CPQ: variants seen among roughly 807,000 people sequenced by gnomAD.
CPQ encodes the protein carboxypeptidase Q, also known as Ser-Met dipeptidase.
CPQ carries 37 observed loss-of-function variants against 45.7 expected under a neutral mutation model. That is an observed-to-expected ratio of 0.81 (90% CI 0.62 to 1.07). The LOEUF is 1.07. Ranked by LOEUF, CPQ falls within the 50% of genes least tolerant of loss-of-function variation. The pLI, the probability that CPQ is intolerant of heterozygous loss-of-function variation, is 0.00. For missense variants in CPQ, 537 were observed against 572.9 expected (o/e 0.94, Z 0.64); for synonymous variants, 186 against 205.8 (o/e 0.90, Z 0.82).
intron 2 of CPQ, among the ~76,000 whole-genome samples, 169 bp downstream of exon 2, chr8:96,785,499 T>C (rs943359459): frequency 6.6e-6 from 1 of 152,202 alleles, no homozygotes; most frequent in Non-Finnish European, 1.5e-5. Flanking sequence ...TCTGTTTCTT[T>C]TGTGAAAGGG....
Position 96,992,967 on chromosome 8 carries a change from T to A in CPQ, c.961+26921T>A, listed in dbSNP as rs184926976. Among the ~76,000 whole-genome samples the A allele has an allele frequency of 1.1e-4, 17 of 152,298 alleles. No individual in the cohort carries two copies. In the East Asian group the frequency reaches 3.3e-3, roughly 29 times the overall value. ...CAGAACACAATGATGAATGTCTCAA[T>A]TCAGACAGGAATTGAATGTTGCCTG... On this transcript the variant is annotated intron_variant, in intron 5 of 7. Transcript: ENST00000220763.
At chr8:96,953,939 A>G (rs1813310637) in intron 4 of CPQ, among the ~76,000 whole-genome samples, 1 of 152,290 alleles carries the variant, frequency 6.6e-6, no homozygotes, top group African/African-American at 2.4e-5. Flanking sequence ...TTGGTCCAAC[A>G]TATTAATGAT....
chr8:97,130,864 G>C (rs10504969), intron 7 of CPQ, among the ~76,000 whole-genome samples: 10,913 of 151,720 alleles, frequency 0.072, 496 homozygotes, highest in Non-Finnish European at 0.1. Flanking sequence ...ACTGCATAAT[G>C]ATTTATAGTA....
intron 4 of CPQ, among the ~76,000 whole-genome samples, chr8:96,961,171 A>G (rs1813455739): frequency 1.3e-5 from 2 of 152,188 alleles, no homozygotes; most frequent in Non-Finnish European, 2.9e-5. Flanking sequence ...CCAGGAGTGG[A>G]TAAGAATTCC....
At chr8:96,932,687 A>G (rs1181037008) in intron 4 of CPQ, among the ~76,000 whole-genome samples, 1 of 152,220 alleles carries the variant, frequency 6.6e-6, no homozygotes, top group Non-Finnish European at 1.5e-5. Context: ...ACATTATGTG[A>G]TGAATTAATT....
chr8:96,962,083 T>A (rs1414908609), intron 4 of CPQ, among the ~76,000 whole-genome samples: 1 of 152,128 alleles, frequency 6.6e-6, no homozygotes, highest in African/African-American at 2.4e-5. Context: ...GTCATTCTGG[T>A]TCCTTCTCCT....
intron 5 of CPQ, among the ~76,000 whole-genome samples, chr8:97,019,211 C>T (rs1197721044): frequency 6.6e-6 from 1 of 152,202 alleles, no homozygotes; most frequent in Non-Finnish European, 1.5e-5. Context: ...GCCACCACTA[C>T]AAGAACCGCT....
chr8:96,811,086 A>C (rs1035453073), intron 2 of CPQ, among the ~76,000 whole-genome samples: 26 of 152,160 alleles, frequency 1.7e-4, no homozygotes, highest in African/African-American at 6.0e-4. Context: ...AAGCTAATAA[A>C]ATATTAATGT....
chr8:97,046,184 G>A (rs1810252426), intron 6 of CPQ, among the ~76,000 whole-genome samples: 1 of 151,558 alleles, frequency 6.6e-6, no homozygotes, highest in South Asian at 2.1e-4. Flanking sequence ...GGTCACATCT[G>A]TATTTTCTGC....
At chr8:97,062,640 G>A (rs907808984) in intron 6 of CPQ, among the ~76,000 whole-genome samples, 5 of 152,004 alleles carry the variant, frequency 3.3e-5, no homozygotes, top group East Asian at 1.9e-4. Flanking sequence ...TCCACCCTCT[G>A]GTAGGTTCCA....
At chr8:96,853,351 G>C (rs1436772797) in intron 3 of CPQ, among the ~76,000 whole-genome samples, 1 of 152,226 alleles carries the variant, frequency 6.6e-6, no homozygotes, top group African/African-American at 2.4e-5. Flanking sequence ...AACAGGAAGA[G>C]AAAGCTCAAC....
chr8:96,949,147 T>C (rs921551777), intron 4 of CPQ, among the ~76,000 whole-genome samples: 2 of 152,142 alleles, frequency 1.3e-5, no homozygotes, highest in African/African-American at 2.4e-5. Context: ...AGTGTAATAA[T>C]TGGGAAGGGG....
At chr8:96,876,120 T>C (rs1165577921) in intron 3 of CPQ, among the ~76,000 whole-genome samples, 1 of 152,058 alleles carries the variant, frequency 6.6e-6, no homozygotes, top group Non-Finnish European at 1.5e-5. Context: ...TTTTGCATCG[T>C]TCATTGCTGC....
chr8:97,119,454 A>G (rs1811659773), intron 7 of CPQ, among the ~76,000 whole-genome samples: 1 of 151,888 alleles, frequency 6.6e-6, no homozygotes, highest in African/African-American at 2.4e-5. Flanking sequence ...AAAAAAAAAA[A>G]AAATGGTGGG....
intron 4 of CPQ, among the ~76,000 whole-genome samples, chr8:96,948,093 G>A (rs957489201): frequency 4.0e-5 from 6 of 151,868 alleles, no homozygotes; most frequent in African/African-American, 1.5e-4. Context: ...CTTCTTCCTA[G>A]AAATTCAAAG....
At chr8:97,046,898 TAGAC>T (rs1210559064) in intron 6 of CPQ, among the ~76,000 whole-genome samples, 1 of 152,196 alleles carries the variant, frequency 6.6e-6, no homozygotes, top group Non-Finnish European at 1.5e-5. Context: ...AACATAATAG[TAGAC>T]AGACAGAAAA....
intron 5 of CPQ, among the ~76,000 whole-genome samples, chr8:96,992,208 A>G (rs1289650403): frequency 6.6e-6 from 1 of 152,204 alleles, no homozygotes. Flanking sequence ...GACAAAGATA[A>G]TTCCAATGGT....
intron 1 of CPQ, among the ~76,000 whole-genome samples, chr8:96,695,699 A>T (rs934475174): frequency 6.6e-6 from 1 of 151,748 alleles, no homozygotes; most frequent in African/African-American, 2.4e-5. Context: ...AATGCTCATC[A>T]TCACTGGCCA....
At chr8:97,142,992 C>G in intron 7 of CPQ, 28 bp from the exon 8 acceptor site, 1 of 1,610,782 alleles carries the variant, frequency 6.2e-7, no homozygotes, top group East Asian at 2.2e-5. Flanking sequence ...AAATACTCCA[C>G]TAAGAATTCT....
Sources: gnomAD v4.1 joint callset for allele counts (sites outside exome capture counted in the v4.1 genomes callset) on GRCh38, gnomAD v4.1.1 for gene constraint, MANE v1.5 for transcripts, NCBI Gene and HGNC (gene_info 2026-07-23, HGNC 2026-07-21) for gene names.